Variants in KLRG2 observed in about 807,000 individuals in gnomAD.
KLRG2 encodes the protein killer cell lectin-like receptor subfamily G member 2.
KLRG2 carries 39 observed loss-of-function variants against 35.4 expected under a neutral mutation model. That is an observed-to-expected ratio of 1.10 (90% confidence interval 0.85 to 1.44). The LOEUF is 1.44. Ranked by LOEUF, KLRG2 falls within the 40% of genes most tolerant of loss-of-function variation. The pLI is 0.00. For missense variants in KLRG2, 632 were observed against 570.9 expected, an observed-to-expected ratio of 1.11 and a Z score of -1.09; for synonymous variants, 283 against 265.8, an observed-to-expected ratio of 1.06 and a Z score of -0.63.
At chr7:139,465,246 C>T (rs191339485) in intron 3 of KLRG2, among the ~76,000 whole-genome samples, 4 of 152,354 alleles carry the variant, frequency 2.6e-5, no homozygotes, top group South Asian at 4.1e-4. Context: ...AAGGACTACG[C>T]ATCGATATTT....
the KLRG2 span, among the ~76,000 whole-genome samples, chr7:139,439,000 T>C: frequency 7.1e-6 from 1 of 141,840 alleles, no homozygotes; most frequent in African/African-American, 2.6e-5. Flanking sequence ...CGCGTGGCAA[T>C]TTCTTAAAAG....
chr7:139,447,957 C>T (rs952762865), downstream of KLRG2, among the ~76,000 whole-genome samples: 1 of 152,126 alleles, frequency 6.6e-6, no homozygotes, highest in African/African-American at 2.4e-5. Flanking sequence ...TCTACGAGTG[C>T]TAATGGACTT....
Position 139,478,863 on chromosome 7 carries a change from A to G in KLRG2, c.1005+764T>C, listed in dbSNP as rs371988233. Reference sequence around the variant, plus strand: ...CTCAAACCAAGCCCTGGCAATCTGCATTATAAAGCTGAGCTGTCCAGCCAA... The same window carrying G: ...CTCAAACCAAGCCCTGGCAATCTGCGTTATAAAGCTGAGCTGTCCAGCCAA... On this transcript the variant is annotated intron_variant, in intron 3 of 4. Transcript: ENST00000340940. 3.3e-5 allele frequency among the ~76,000 whole-genome samples: 5 copies of G among 152,156 alleles called. No individual in the cohort carries two copies. The East Asian group carries it at 7.8e-4, about 24-fold the overall frequency.
chr7:139,465,882 C>CT (rs1349596750), intron 3 of KLRG2, among the ~76,000 whole-genome samples: 4 of 152,030 alleles, frequency 2.6e-5, no homozygotes, highest in African/African-American at 9.7e-5. Flanking sequence ...CCACTCCCAC[C>CT]TACTCCCCCA....
At chr7:139,471,057 A>G (rs998801263) in intron 3 of KLRG2, among the ~76,000 whole-genome samples, 7 of 151,578 alleles carry the variant, frequency 4.6e-5, no homozygotes, top group African/African-American at 1.5e-4. Context: ...CATATTGGCC[A>G]TGATGGTCCT....
At chr7:139,454,259 G>A in intron 3 of KLRG2, 45 bp from the exon 4 acceptor site, 1 of 957,770 alleles carries the variant, frequency 1.0e-6, no homozygotes, top group Non-Finnish European at 1.6e-6. Flanking sequence ...ACACTGGCGT[G>A]GCTTGCCTGG....
chr7:139,454,319 G>A, intron 3 of KLRG2, 105 bp from the exon 4 acceptor site: 1 of 674,312 alleles, frequency 1.5e-6, no homozygotes, highest in Non-Finnish European at 2.6e-6. Context: ...GGCCAATCCA[G>A]AAGGATCTGC....
intron 3 of KLRG2, among the ~76,000 whole-genome samples, chr7:139,473,490 T>C (rs1024752004): frequency 5.3e-5 from 8 of 151,788 alleles, no homozygotes; most frequent in South Asian, 2.1e-4. Flanking sequence ...CCACCCGACA[T>C]AGAACACTTA....
chr7:139,468,074 T>A (rs1171739192), intron 3 of KLRG2, among the ~76,000 whole-genome samples: 2 of 152,206 alleles, frequency 1.3e-5, no homozygotes, highest in African/African-American at 4.8e-5. Context: ...AGCACAGCAC[T>A]TAATCCTTTA....
chr7:139,432,319 C>A, the KLRG2 span, among the ~76,000 whole-genome samples: 1 of 151,844 alleles, frequency 6.6e-6, no homozygotes, highest in Non-Finnish European at 1.5e-5. Flanking sequence ...CACCACTGCA[C>A]TCCAGCCCAG....
Position 139,453,614 on chromosome 7 carries a change from G to A in KLRG2, c.1203C>T (p.Pro401=), listed in dbSNP as rs948712145. ...ACTGGGTCCCCTTGGCACAGACCCA[G>A]GGTCTTGGAGTGCTGCAGTTTGCAG... ...LVAANCSTPR[P]WVCAKGTQ The change falls in exon 5 of 5, where the codon CCC becomes CCT. Residue 401 remains proline, a synonymous_variant. Transcript: ENST00000340940. The A allele has an allele frequency of 1.2e-6, 2 of 1,610,492 alleles. No individual in the cohort carries two copies. Among genetic ancestry groups the A allele is most frequent in the African/African-American group, 2.7e-5 (2 of 74,818 alleles).
chr7:139,482,543 C>G (rs897249806), intron 1 of KLRG2, among the ~76,000 whole-genome samples: 2 of 152,040 alleles, frequency 1.3e-5, no homozygotes, highest in Admixed American at 1.3e-4. Context: ...CAGGTGAATG[C>G]CACCATGCCA....
At position 139,479,662 on chromosome 7, in the gene KLRG2, AG is replaced by A. The variant is rs1473589452; in HGVS notation, c.969del (p.Tyr324ThrfsTer8). On this transcript the variant is annotated frameshift_variant, in exon 3 of 5. Coordinates refer to ENST00000340940, the MANE Select transcript of KLRG2 (RefSeq NM_198508.4). LOFTEE classifies it high-confidence loss of function. ...CTTAGCAGGGGGAGGGTAGCGTGGT[AG>A]GCTGAGCAGAAAGCCTGGCTGGCTT... ...AWEASQAFCS[A>X]YHATLPLLSH... 1 of 1,613,620 alleles carries A rather than the reference AG, an allele frequency of 6.2e-7. No individual in the cohort carries two copies. Among genetic ancestry groups the A allele is most frequent in the African/African-American group, 1.3e-5 (1 of 74,936 alleles).
chr7:139,440,114 T>G, the KLRG2 span, among the ~76,000 whole-genome samples: 2 of 152,008 alleles, frequency 1.3e-5, no homozygotes, highest in African/African-American at 4.8e-5. Flanking sequence ...GTGTCCAAAT[T>G]TCTACTTATT....
At chr7:139,427,817 A>G in the KLRG2 span, among the ~76,000 whole-genome samples, 1 of 152,172 alleles carries the variant, frequency 6.6e-6, no homozygotes, top group Non-Finnish European at 1.5e-5. Flanking sequence ...GGAATGAATG[A>G]ATGAAGTGCC....
intron 3 of KLRG2, among the ~76,000 whole-genome samples, chr7:139,479,367 C>T (rs1796912768): frequency 6.6e-6 from 1 of 152,166 alleles, no homozygotes; most frequent in South Asian, 2.1e-4. Flanking sequence ...AGGTGTGAGC[C>T]ACTGTGCCTG....
At chr7:139,454,717 G>GA (rs1298711063) in intron 3 of KLRG2, among the ~76,000 whole-genome samples, 1 of 151,676 alleles carries the variant, frequency 6.6e-6, no homozygotes, top group Non-Finnish European at 1.5e-5. Flanking sequence ...TTGGGAGGCT[G>GA]AAACAGGAGA....
At chr7:139,459,849 T>C (rs1796539219) in intron 3 of KLRG2, among the ~76,000 whole-genome samples, 3 of 152,008 alleles carry the variant, frequency 2.0e-5, no homozygotes, top group Admixed American at 2.0e-4. Context: ...CCTCCCAGGT[T>C]CAAGCGATTC....
chr7:139,471,697 G>C (rs932035628), intron 3 of KLRG2, among the ~76,000 whole-genome samples: 1 of 151,990 alleles, frequency 6.6e-6, no homozygotes, highest in East Asian at 1.9e-4. Flanking sequence ...TCCTGCTCTC[G>C]CAAGGGTCCC....
Sources: allele counts gnomAD v4.1 joint callset (sites outside exome capture counted in the v4.1 genomes callset), GRCh38; gene constraint gnomAD v4.1.1; transcripts MANE v1.5; gene names NCBI Gene and HGNC (gene_info 2026-07-23, HGNC 2026-07-21).